The following ITGA11 variants were observed in gnomAD, a reference collection of about 807,000 sequenced individuals.
ITGA11 encodes integrin alpha-11.
Under a neutral mutation model 141.9 loss-of-function variants are expected in ITGA11, and 97 were observed. The ratio of observed to expected loss-of-function variants is 0.68; its 90% CI spans 0.58 to 0.81. ITGA11 has a LOEUF of 0.81. ITGA11 is among the 30% of genes least tolerant of loss of function. The pLI is 0.00. For missense variants in ITGA11, 1,387 were observed against 1,559.2 expected (o/e 0.89, Z 1.86); for synonymous variants, 658 against 624.6 (o/e 1.05, Z -0.80).
chr15:68,325,316 G>C lies in ITGA11; in HGVS notation c.2212-75C>G. The C allele has an allele frequency of 9.9e-7, 1 of 1,013,744 alleles. No individual in the cohort carries two copies. The highest frequency in any genetic ancestry group is 1.6e-6 in the Non-Finnish European group (1 of 642,386). 62.8% of individuals were successfully genotyped at this position (1,013,744 alleles called of 1,614,324 possible). On this transcript the variant is annotated intron_variant, in intron 17 of 29. Transcript: ENST00000315757. The surrounding 1 kb of genome is among the most constrained non-coding windows in gnomAD (Gnocchi z 5.5). ...TATGAGCCAGGACCGTGGATGCTGA[G>C]ATAGAACTTCCACCTTCCTTAGATG... is the stretch of plus-strand genomic sequence containing the variant.
intron 7 of ITGA11, 83 bp downstream of exon 7, chr15:68,357,068 G>A (rs1333624254): frequency 6.5e-6 from 8 of 1,237,094 alleles, no homozygotes; most frequent in East Asian, 2.4e-5. Flanking sequence ...ACTAAATTTT[G>A]TGGTAGTGTG....
chr15:68,418,454 A>T (rs1896939365), intron 1 of ITGA11, among the ~76,000 whole-genome samples: 1 of 152,162 alleles, frequency 6.6e-6, no homozygotes, highest in Non-Finnish European at 1.5e-5. Context: ...CTTACTTCAC[A>T]TGGCCCTCAG....
chr15:68,335,752 A>G lies in ITGA11; in HGVS notation c.1370T>C (p.Phe457Ser). Residue 457 changes from phenylalanine (F) to serine (S), a missense_variant, in exon 12 of 30, where the codon TTC becomes TCC. Physicochemically the swap from Phe to Ser is radical, Grantham distance 155 (BLOSUM62 -2). Transcript: ENST00000315757. The surrounding 1 kb of genome is among the most constrained non-coding windows in gnomAD (Gnocchi z 4.9). Reference sequence around the variant, plus strand: ...GAGGCTCCGGTTGTTGTGCATGGTGAACAGGATGACCTTGCCCGTGTGGTT... The same window carrying G: ...GAGGCTCCGGTTGTTGTGCATGGTGGACAGGATGACCTTGCCCGTGTGGTT... ...RFNHTGKVIL[F>S]TMHNNRSLTI... is the part of the protein sequence containing the mutation. 1 of 1,613,924 alleles carries G rather than the reference A, an allele frequency of 6.2e-7. No homozygotes were observed. Among genetic ancestry groups the G allele is most frequent in the Non-Finnish European group, 8.5e-7 (1 of 1,179,880 alleles).
chr15:68,333,690 G>A lies in ITGA11; in HGVS notation c.1426-1212C>T, dbSNP rs1163368724. On this transcript the variant is annotated intron_variant, in intron 12 of 29. Transcript: ENST00000315757. The surrounding 1 kb of genome is among the most constrained non-coding windows in gnomAD (Gnocchi z 4.2). The stretch of plus-strand genomic sequence containing the variant: ...CCTTCTAAAGGGCCTTCCAGCCTCA[G>A]GCTGGCCCCTTCAGCCCACCCCCAT... 2.0e-5 allele frequency among the ~76,000 whole-genome samples: 3 copies of A among 152,210 alleles called. No individual in the cohort carries two copies. Among genetic ancestry groups the A allele is most frequent in the Admixed American group, 2.0e-4 (3 of 15,284 alleles).
chr15:68,322,489 G>A lies in ITGA11; in HGVS notation c.2323-986C>T, dbSNP rs193200576. On this transcript the variant is annotated intron_variant, in intron 18 of 29. Coordinates refer to ENST00000315757, the MANE Select transcript of ITGA11 (RefSeq NM_001004439.2). The surrounding 1 kb of genome is among the most constrained non-coding windows in gnomAD (Gnocchi z 5.6). ...GATCAATAGGAACCTGGAGGTTGTCGGGGCTGAGGGAGAAAGGGGTCCAGG... is the reference window on the plus strand; with the variant it reads ...GATCAATAGGAACCTGGAGGTTGTCAGGGCTGAGGGAGAAAGGGGTCCAGG... Among the ~76,000 whole-genome samples, 20 of 152,230 alleles carry A rather than the reference G, an allele frequency of 1.3e-4. No individual in the cohort carries two copies. In the East Asian group the frequency reaches 3.5e-3, roughly 26 times the overall value.
intron 20 of ITGA11, among the ~76,000 whole-genome samples, chr15:68,318,046 T>G (rs3784334): frequency 0.064 from 9,717 of 152,264 alleles, 960 homozygotes; most frequent in East Asian, 0.5. Context: ...CATCTGCATT[T>G]GGCTGAGAGG....
At chr15:68,373,095 G>C (rs1370841148) in intron 2 of ITGA11, among the ~76,000 whole-genome samples, 1 of 152,080 alleles carries the variant, frequency 6.6e-6, no homozygotes, top group African/African-American at 2.4e-5. Context: ...TCCCTGTGGT[G>C]TGTGTACCCC....
intron 16 of ITGA11, among the ~76,000 whole-genome samples, chr15:68,327,131 G>A (rs973549054): frequency 9.9e-5 from 15 of 151,984 alleles, no homozygotes; most frequent in Non-Finnish European, 1.0e-4. Context: ...AACCCCCTCC[G>A]CCTCTCCCTC....
At chr15:68,358,409 G>A (rs1437108953) in intron 6 of ITGA11, 49 bp downstream of exon 6, 1 of 1,552,788 alleles carries the variant, frequency 6.4e-7, no homozygotes, top group African/African-American at 1.4e-5. Context: ...ACCTGCCATG[G>A]GTTTGGGTGG....
chr15:68,343,725 G>C (rs1484941720), intron 10 of ITGA11, among the ~76,000 whole-genome samples: 1 of 152,188 alleles, frequency 6.6e-6, no homozygotes, highest in Non-Finnish European at 1.5e-5. Context: ...GTGAGGCTCT[G>C]TTCCCAGGAG....
At chr15:68,410,217 C>T (rs1452004157) in intron 1 of ITGA11, among the ~76,000 whole-genome samples, 1 of 152,244 alleles carries the variant, frequency 6.6e-6, no homozygotes, top group African/African-American at 2.4e-5. Context: ...TAAGCGTGAA[C>T]ACCTCCCAGA....
chr15:68,309,217 G>A (rs867368696), intron 26 of ITGA11, among the ~76,000 whole-genome samples: 2 of 152,222 alleles, frequency 1.3e-5, no homozygotes, highest in African/African-American at 2.4e-5. Context: ...CAAGAGCAAA[G>A]GTTATGGTAA....
chr15:68,374,101 A>C (rs1032858171), intron 2 of ITGA11, among the ~76,000 whole-genome samples: 5 of 152,048 alleles, frequency 3.3e-5, no homozygotes, highest in African/African-American at 9.6e-5. Context: ...TATAAGAGAA[A>C]CATGGCAACC....
At chr15:68,338,215 C>G (rs1311859447) in intron 11 of ITGA11, among the ~76,000 whole-genome samples, 1 of 152,240 alleles carries the variant, frequency 6.6e-6, no homozygotes, top group Admixed American at 6.5e-5. Flanking sequence ...GGTTGCTAGC[C>G]TTTGTTCTTC....
chr15:68,398,146 C>T lies in ITGA11; in HGVS notation c.164+4772G>A, dbSNP rs564050447. On this transcript the variant is annotated intron_variant, in intron 2 of 29. Coordinates refer to ENST00000315757, the MANE Select transcript of ITGA11 (RefSeq NM_001004439.2). ...TCATAATGACAGGATCAAATTCACA[C>T]ATAACAATATTAACTTTAAATGTAA... Among the ~76,000 whole-genome samples the T allele has an allele frequency of 2.5e-3, 384 of 151,982 alleles. 1 individual carries two copies. Among genetic ancestry groups the T allele is most frequent in the African/African-American group, 7.7e-3 (321 of 41,478 alleles).
chr15:68,400,372 A>C (rs944085199), intron 2 of ITGA11, among the ~76,000 whole-genome samples: 1 of 151,084 alleles, frequency 6.6e-6, no homozygotes, highest in South Asian at 2.1e-4. Context: ...AAGATTTCTT[A>C]AATGGGACAC....
chr15:68,333,648 C>T lies in ITGA11; in HGVS notation c.1426-1170G>A, dbSNP rs1050103469. ...ATTCACCAACTGCTCCCCCCTGCTT[C>T]GTCCCTAGGTGAGGCGCCTTCTAAA... On this transcript the variant is annotated intron_variant, in intron 12 of 29. Coordinates refer to ENST00000315757, the MANE Select transcript of ITGA11 (RefSeq NM_001004439.2). The surrounding 1 kb of genome is among the most constrained non-coding windows in gnomAD (Gnocchi z 4.2). Among the ~76,000 whole-genome samples the T allele has an allele frequency of 2.6e-5, 4 of 152,196 alleles. No individual in the cohort carries two copies. The highest frequency in any genetic ancestry group is 7.2e-5 in the African/African-American group (3 of 41,444).
rs537209455 is a variant in ITGA11 at position 68,337,437 on chromosome 15, T to C, written c.1277-1592A>G. On this transcript the variant is annotated intron_variant, in intron 11 of 29. Coordinates refer to ENST00000315757, the MANE Select transcript of ITGA11 (RefSeq NM_001004439.2). ...CTTCCCCTGTAGGGCTCCTCTCCCT[T>C]GAAACACAGGAGGAATCTTCCAGCA... Among the ~76,000 whole-genome samples, 3 of 152,208 alleles carry C rather than the reference T, an allele frequency of 2.0e-5. No individual in the cohort carries two copies. The East Asian group carries it at 5.8e-4, about 29-fold the overall frequency.
chr15:68,338,320 G>A (rs1013709903), intron 11 of ITGA11, among the ~76,000 whole-genome samples: 3 of 152,208 alleles, frequency 2.0e-5, no homozygotes, highest in Non-Finnish European at 4.4e-5. Context: ...TACCTCAATT[G>A]TGTTATAATT....
Sources: gnomAD v4.1 joint callset for allele counts (sites outside exome capture counted in the v4.1 genomes callset) on GRCh38, gnomAD v4.1.1 for gene constraint, Gnocchi (gnomAD v3.1) non-coding constraint, MANE v1.5 for transcripts, NCBI Gene and HGNC (gene_info 2026-07-23, HGNC 2026-07-21) for gene names.